The following SDC2 variants were observed in gnomAD, a reference collection of about 807,000 sequenced individuals.
SDC2 encodes syndecan 2.
SDC2 carries 13 observed loss-of-function variants against 22.2 expected under a neutral mutation model. That is an observed-to-expected ratio of 0.59 (90% CI 0.38 to 0.93). The LOEUF is 0.93. SDC2 is among the 40% of genes least tolerant of loss of function. SDC2 has a pLI of 0.00. For synonymous variants in SDC2, 94 were observed against 92.8 expected, an observed-to-expected ratio of 1.01 and a Z score of -0.07; for missense variants, 235 against 246.8, an observed-to-expected ratio of 0.95 and a Z score of 0.32.
At chr8:96,506,366 G>A (rs147177986) in intron 1 of SDC2, among the ~76,000 whole-genome samples, 2 of 152,242 alleles carry the variant, frequency 1.3e-5, no homozygotes, top group Non-Finnish European at 2.9e-5. Context: ...GGTCTTAAAA[G>A]TGAGAGCTGG....
intron 1 of SDC2, among the ~76,000 whole-genome samples, chr8:96,542,584 A>G (rs1210348590): frequency 6.6e-6 from 1 of 152,134 alleles, no homozygotes. Context: ...GTGTTGCCCC[A>G]GTACACACTG....
At chr8:96,545,826 A>T (rs1161550473) in intron 1 of SDC2, among the ~76,000 whole-genome samples, 1 of 152,186 alleles carries the variant, frequency 6.6e-6, no homozygotes. Context: ...TTTATGGAAT[A>T]AAAGAGGGTC....
chr8:96,568,970 A>G (rs970502855), intron 1 of SDC2, among the ~76,000 whole-genome samples: 6 of 152,138 alleles, frequency 3.9e-5, no homozygotes, highest in African/African-American at 7.2e-5. Flanking sequence ...AGAATGGTAG[A>G]TAAGATAGAA....
chr8:96,512,895 G>A (rs1813348992), intron 1 of SDC2, among the ~76,000 whole-genome samples: 1 of 152,206 alleles, frequency 6.6e-6, no homozygotes, highest in South Asian at 2.1e-4. Context: ...TATGTAAATA[G>A]AAGCCTTTAG....
In SDC2 at chr8:96,494,079, G is replaced by A; in HGVS notation, c.-193G>A. ...GCCGCGTTCCCGGGGCGCAGCTGCGGGCGGCGGGAGCAGGCGCAGGAGGAG... is the reference window on the plus strand; with the variant it reads ...GCCGCGTTCCCGGGGCGCAGCTGCGAGCGGCGGGAGCAGGCGCAGGAGGAG... On this transcript the variant is annotated 5_prime_UTR_variant, in exon 1 of 5. Coordinates refer to ENST00000302190, the MANE Select transcript of SDC2 (RefSeq NM_002998.4). The A allele has an allele frequency of 1.8e-6, 1 of 565,326 alleles. No homozygotes were observed. Among genetic ancestry groups the A allele is most frequent in the Non-Finnish European group, 3.1e-6 (1 of 327,028 alleles). 35.0% of individuals were successfully genotyped at this position (565,326 alleles called of 1,614,324 possible).
rs2437773 is a variant in SDC2 at position 96,539,715 on chromosome 8, C to T, written c.60+45384C>T. Among the ~76,000 whole-genome samples the T allele has an allele frequency of 2.3e-4, 35 of 152,302 alleles. No homozygotes were observed. The East Asian group carries it at 6.8e-3, about 29-fold the overall frequency. On this transcript the variant is annotated intron_variant, in intron 1 of 4. Coordinates refer to ENST00000302190, the MANE Select transcript of SDC2 (RefSeq NM_002998.4). ...TGACGTGAATTTAATTAGGTTTTCA[C>T]TTAACAAGGCAGTCTACTCCGTTTT...
chr8:96,574,517 T>C (rs1043164658), intron 1 of SDC2, among the ~76,000 whole-genome samples: 1 of 152,142 alleles, frequency 6.6e-6, no homozygotes, highest in Non-Finnish European at 1.5e-5. Flanking sequence ...TAACTGCCCT[T>C]CCCCACCAAG....
chr8:96,530,211 G>C (rs1229733039), intron 1 of SDC2, among the ~76,000 whole-genome samples: 2 of 152,208 alleles, frequency 1.3e-5, no homozygotes, highest in Non-Finnish European at 2.9e-5. Context: ...TGGAGTGCAT[G>C]TGGGGAATTA....
intron 2 of SDC2, among the ~76,000 whole-genome samples, chr8:96,598,129 A>G (rs1814911649): frequency 6.6e-6 from 1 of 152,046 alleles, no homozygotes; most frequent in South Asian, 2.1e-4. Flanking sequence ...GCATCCTCAC[A>G]TGGCAAAGGG....
intron 1 of SDC2, among the ~76,000 whole-genome samples, chr8:96,498,328 A>G (rs1813105619): frequency 1.3e-5 from 2 of 152,190 alleles, no homozygotes; most frequent in South Asian, 4.1e-4. Flanking sequence ...CAGGAGTGCC[A>G]ACCGGCCCCA....
chr8:96,609,296 A>T (rs2130667560), intron 4 of SDC2, 89 bp from the exon 5 acceptor site: 2 of 1,073,928 alleles, frequency 1.9e-6, no homozygotes, highest in East Asian at 5.4e-5. Flanking sequence ...GCCTTTTATA[A>T]AAGTGTAAGT....
chr8:96,576,939 CT>C (rs1814515337), intron 1 of SDC2, among the ~76,000 whole-genome samples: 1 of 152,194 alleles, frequency 6.6e-6, no homozygotes, highest in African/African-American at 2.4e-5. Flanking sequence ...ATGTAGTAGA[CT>C]TTTAATCCTC....
chr8:96,521,241 C>T (rs1440674760), intron 1 of SDC2, among the ~76,000 whole-genome samples: 1 of 152,306 alleles, frequency 6.6e-6, no homozygotes, highest in African/African-American at 2.4e-5. Flanking sequence ...TTAATCACTT[C>T]TTATAGACTG....
chr8:96,522,552 C>T (rs1413012609), intron 1 of SDC2, among the ~76,000 whole-genome samples: 1 of 152,158 alleles, frequency 6.6e-6, no homozygotes, highest in African/African-American at 2.4e-5. Flanking sequence ...TCTCTTCACC[C>T]TATCGAGAAA....
At position 96,494,330 on chromosome 8, in the gene SDC2, C is replaced by T. The variant is rs766216328; in HGVS notation, c.59C>T (p.Ser20Leu). ...TTGGTGGCCTGCGTGTCGGCGGAGT[C>T]GGTGAGTGGGCCAGGCGGAGGATGC... is the stretch of plus-strand genomic sequence containing the variant. ...LGLVACVSAE[S>L]RAELTSDKDM... is the part of the protein sequence containing the mutation. The change falls in exon 1 of 5, where the codon TCG (serine) becomes TTG (leucine). Residue 20 changes from serine (S) to leucine (L), a missense_variant and splice_region_variant. Coordinates refer to ENST00000302190, the MANE Select transcript of SDC2 (RefSeq NM_002998.4). 1.9e-6 allele frequency: 3 copies of T among 1,542,002 alleles called. No individual in the cohort carries two copies. Among genetic ancestry groups the T allele is most frequent in the Non-Finnish European group, 1.7e-6 (2 of 1,148,290 alleles).
Position 96,494,002 on chromosome 8 carries a change from C to A in SDC2, c.-270C>A, listed in dbSNP as rs892904362. The A allele has an allele frequency of 4.0e-5, 21 of 522,362 alleles. No homozygotes were observed. The highest frequency in any genetic ancestry group is 4.8e-4 in the Middle Eastern group (1 of 2,086). 32.4% of individuals were successfully genotyped at this position (522,362 alleles called of 1,614,324 possible). ...AAGAAGAGCTTCAGAGAGCAGCCTTCCCGGAGCACCAACTCCGTGTCGGGA... is the reference window on the plus strand; with the variant it reads ...AAGAAGAGCTTCAGAGAGCAGCCTTACCGGAGCACCAACTCCGTGTCGGGA... On this transcript the variant is annotated 5_prime_UTR_variant, in exon 1 of 5. Coordinates refer to ENST00000302190, the MANE Select transcript of SDC2 (RefSeq NM_002998.4).
chr8:96,494,239 G>A lies in SDC2; in HGVS notation c.-33G>A. The A allele has an allele frequency of 6.5e-7, 1 of 1,540,476 alleles. No individual in the cohort carries two copies. Among genetic ancestry groups the A allele is most frequent in the East Asian group, 2.4e-5 (1 of 40,850 alleles). On this transcript the variant is annotated 5_prime_UTR_variant, in exon 1 of 5. Transcript: ENST00000302190. ...AGGCTTCGTTTTGCCCTGGTTGCAA[G>A]CAGCGGCTGGGAGCAGCCGGTCCCT...
At chr8:96,519,948 T>C (rs1813470689) in intron 1 of SDC2, among the ~76,000 whole-genome samples, 1 of 152,190 alleles carries the variant, frequency 6.6e-6, no homozygotes, top group Admixed American at 6.5e-5. Flanking sequence ...TAGTATAAAA[T>C]TGATGATATC....
chr8:96,570,482 A>G (rs1237877255), intron 1 of SDC2, among the ~76,000 whole-genome samples: 6 of 152,250 alleles, frequency 3.9e-5, no homozygotes, highest in Admixed American at 6.5e-5. Flanking sequence ...TGGGGAACTC[A>G]TACTCTGCTA....
Sources: gnomAD v4.1 joint callset for allele counts (sites outside exome capture counted in the v4.1 genomes callset) on GRCh38, gnomAD v4.1.1 for gene constraint, MANE v1.5 for transcripts, NCBI Gene and HGNC (gene_info 2026-07-23, HGNC 2026-07-21) for gene names.